PRDM16: variants seen among roughly 807,000 people sequenced by gnomAD.
The protein encoded by PRDM16 is histone-lysine N-methyltransferase PRDM16.
PRDM16 carries 23 observed loss-of-function variants against 110.6 expected under a neutral mutation model. The observed-to-expected ratio is 0.21, with a 90% CI of 0.15 to 0.29. The LOEUF (loss-of-function observed/expected upper bound fraction) is 0.29, where lower values mean the gene tolerates loss of function less well. Ranked by LOEUF, PRDM16 falls within the 10% of genes least tolerant of loss-of-function variation. The pLI is 1.00. For missense variants in PRDM16, 1,615 were observed against 1,794.3 expected (o/e 0.90, Z 1.81); for synonymous variants, 799 against 781.8 (o/e 1.02, Z -0.37).
At chr1:3,166,846 C>T (rs988085901) in intron 1 of PRDM16, among the ~76,000 whole-genome samples, 6 of 152,222 alleles carry the variant, frequency 3.9e-5, no homozygotes, top group South Asian at 4.1e-4. Flanking sequence ...CTGTGTCTGG[C>T]GCTGGCCGTG....
At chr1:3,094,051 G>A (rs533269204) in intron 1 of PRDM16, among the ~76,000 whole-genome samples, 5 of 152,372 alleles carry the variant, frequency 3.3e-5, no homozygotes, top group South Asian at 2.1e-4. Flanking sequence ...AGCCAGCAAC[G>A]TGGTCTGGGG....
intron 2 of PRDM16, among the ~76,000 whole-genome samples, chr1:3,211,203 TTGTA>T (rs1274659301): frequency 6.6e-6 from 1 of 152,194 alleles, no homozygotes; most frequent in Non-Finnish European, 1.5e-5. Flanking sequence ...TGCCCACCCA[TTGTA>T]CACAGGTCTG....
chr1:3,168,672 G>A (rs1191444953), intron 1 of PRDM16, among the ~76,000 whole-genome samples: 2 of 146,492 alleles, frequency 1.4e-5, no homozygotes, highest in Non-Finnish European at 3.0e-5. Flanking sequence ...GCTTTAAAAT[G>A]TAAAGGTGAT....
Position 3,402,847 on chromosome 1 carries a change from C to G in PRDM16, c.733C>G (p.Leu245Val). ...CDELFQSKLD[L>V]RRHKKYTCGS... ...CGAACTCTTCCAGTCCAAGCTGGAC[C>G]TGCGGCGCCATAAGAAGTACACGTG... is the stretch of plus-strand genomic sequence containing the variant. Residue 245 changes from leucine to valine, a missense_variant, in exon 6 of 17, where the codon CTG becomes GTG. Around this residue, in one of 5 missense-constraint regions of PRDM16, gnomAD observed 416 missense variants for 467.1 expected, o/e 0.89. Coordinates refer to ENST00000270722, the MANE Select transcript of PRDM16 (RefSeq NM_022114.4). 1 of 1,613,112 alleles carries G rather than the reference C, an allele frequency of 6.2e-7. No individual in the cohort carries two copies. The highest frequency in any genetic ancestry group is 8.5e-7 in the Non-Finnish European group (1 of 1,179,974).
intron 3 of PRDM16, among the ~76,000 whole-genome samples, chr1:3,294,882 G>A (rs765489562): frequency 5.0e-4 from 76 of 152,144 alleles, no homozygotes; most frequent in Non-Finnish European, 3.1e-4. Flanking sequence ...CCAACCCCAC[G>A]TGCCTTAAGA....
intron 4 of PRDM16, among the ~76,000 whole-genome samples, chr1:3,386,188 TA>T (rs1156686854): frequency 6.6e-6 from 1 of 150,590 alleles, no homozygotes; most frequent in Non-Finnish European, 1.5e-5. Context: ...TACATCACAG[TA>T]GTCTGGTTTT....
chr1:3,358,917 A>G lies in PRDM16; in HGVS notation c.439-26235A>G, dbSNP rs1037932691. ...TGGGGAAGCCGTGAAGATGTTCTCC[A>G]TGGCCGGCTCCCATGAGGAATCAGA... On this transcript the variant is annotated intron_variant, in intron 3 of 16. Coordinates refer to ENST00000270722, the MANE Select transcript of PRDM16 (RefSeq NM_022114.4). This position sits in a 1 kb window ranked among gnomAD's most constrained non-coding sequence, Gnocchi z 4.0. 9.2e-5 allele frequency among the ~76,000 whole-genome samples: 14 copies of G among 152,172 alleles called. 1 individual carries two copies. The highest frequency in any genetic ancestry group is 7.2e-4 in the Admixed American group (11 of 15,286).
rs995919249 is a variant in PRDM16 at position 3,143,570 on chromosome 1, C to A, written c.38-42555C>A. 2.0e-5 allele frequency among the ~76,000 whole-genome samples: 3 copies of A among 152,154 alleles called. No homozygotes were observed. Among genetic ancestry groups the A allele is most frequent in the Non-Finnish European group, 1.5e-5 (1 of 68,044 alleles). On this transcript the variant is annotated intron_variant, in intron 1 of 16. Transcript: ENST00000270722. This position sits in a 1 kb window ranked among gnomAD's most constrained non-coding sequence, Gnocchi z 4.5. Reference sequence around the variant, plus strand: ...TCCGCTCACTGCAGTCTCTGCCTCCCGGGTTCAAGGATTCTCCTGCCTCAG... The same window carrying A: ...TCCGCTCACTGCAGTCTCTGCCTCCAGGGTTCAAGGATTCTCCTGCCTCAG...
chr1:3,341,412 C>T (rs1642269636), intron 3 of PRDM16, among the ~76,000 whole-genome samples: 3 of 152,262 alleles, frequency 2.0e-5, no homozygotes, highest in South Asian at 2.1e-4. Flanking sequence ...GGCAACCTGG[C>T]GACTTTGCCC....
intron 3 of PRDM16, among the ~76,000 whole-genome samples, chr1:3,277,875 C>G (rs2100314914): frequency 1.3e-5 from 2 of 152,340 alleles, no homozygotes; most frequent in Middle Eastern, 6.8e-3. Context: ...TGTAAACACA[C>G]CCAGGCACAA....
At chr1:3,202,870 C>T (rs1638665493) in intron 2 of PRDM16, among the ~76,000 whole-genome samples, 1 of 152,130 alleles carries the variant, frequency 6.6e-6, no homozygotes, top group African/African-American at 2.4e-5. Context: ...TCTTGCTGGC[C>T]CCACCCAACT....
At chr1:3,259,716 GGAAA>G (rs1395697705) in intron 3 of PRDM16, among the ~76,000 whole-genome samples, 1 of 152,190 alleles carries the variant, frequency 6.6e-6, no homozygotes, top group Non-Finnish European at 1.5e-5. Context: ...TTCTGAGGTT[GGAAA>G]GAGTGTGGTC....
rs774067357 is a variant in PRDM16, at chr1:3,081,988, C to G, written c.37+12692C>G. On this transcript the variant is annotated intron_variant, in intron 1 of 16. Coordinates refer to ENST00000270722, the MANE Select transcript of PRDM16 (RefSeq NM_022114.4). The surrounding 1 kb of genome is among the most constrained non-coding windows in gnomAD (Gnocchi z 4.6). ...AAGCCCCCGTGAGCACCAACCCAAG[C>G]CTTGCACCCCTGACATGTGGAGGCT... 8.5e-5 allele frequency among the ~76,000 whole-genome samples: 13 copies of G among 152,238 alleles called. No homozygotes were observed. Among genetic ancestry groups the G allele is most frequent in the Non-Finnish European group, 1.3e-4 (9 of 68,046 alleles).
intron 2 of PRDM16, among the ~76,000 whole-genome samples, chr1:3,188,419 G>T (rs529133998): frequency 1.3e-5 from 2 of 152,166 alleles, no homozygotes; most frequent in South Asian, 4.1e-4. Context: ...CGTGGTGCCA[G>T]GCCCAGCGCA....
chr1:3,115,084 G>A (rs1642924962), intron 1 of PRDM16, among the ~76,000 whole-genome samples: 1 of 152,246 alleles, frequency 6.6e-6, no homozygotes, highest in African/African-American at 2.4e-5. Flanking sequence ...CAGCCTCTGA[G>A]CCTGAGTGCT....
rs140918972 is a variant in PRDM16 at position 3,099,422 on chromosome 1, C to T, written c.37+30126C>T. On this transcript the variant is annotated intron_variant, in intron 1 of 16. Transcript: ENST00000270722. ...ACCAATAACCAGCCTCACGGAGGCCCCGGAGCCCCGGATGCTCAGCACGGG... is the reference window on the plus strand; with the variant it reads ...ACCAATAACCAGCCTCACGGAGGCCTCGGAGCCCCGGATGCTCAGCACGGG... Among the ~76,000 whole-genome samples the T allele has an allele frequency of 1.3e-3, 192 of 152,364 alleles. 4 individuals are homozygous for T. The East Asian group carries it at 0.027, about 21-fold the overall frequency.
chr1:3,281,542 G>C (rs562415984), intron 3 of PRDM16, among the ~76,000 whole-genome samples: 1 of 152,174 alleles, frequency 6.6e-6, no homozygotes, highest in Non-Finnish European at 1.5e-5. Flanking sequence ...AGCTATGATC[G>C]GTTTGATGTG....
chr1:3,159,943 A>G (rs977235158), intron 1 of PRDM16, among the ~76,000 whole-genome samples: 10 of 152,212 alleles, frequency 6.6e-5, no homozygotes, highest in Non-Finnish European at 1.5e-4. Context: ...GCATGTCCCA[A>G]ATATTTCACG....
intron 3 of PRDM16, among the ~76,000 whole-genome samples, chr1:3,256,642 A>C (rs1428374531): frequency 7.9e-5 from 12 of 152,144 alleles, no homozygotes; most frequent in African/African-American, 1.9e-4. Flanking sequence ...GCGGATCATG[A>C]GGTCAGGAGA....
Sources: gnomAD v4.1 joint callset for allele counts (sites outside exome capture counted in the v4.1 genomes callset) on GRCh38, gnomAD v4.1.1 for gene constraint, gnomAD v4.1.1 regional missense constraint, Gnocchi (gnomAD v3.1) non-coding constraint, MANE v1.5 for transcripts, NCBI Gene and HGNC (gene_info 2026-07-23, HGNC 2026-07-21) for gene names.